Variants in MYH9 observed in about 807,000 individuals in gnomAD.
MYH9 encodes myosin-9.
A neutral mutation model predicts 241.9 loss-of-function variants in MYH9; 29 were observed. That is an observed-to-expected ratio of 0.12 (90% confidence interval 0.09 to 0.16). The LOEUF (loss-of-function observed/expected upper bound fraction) is 0.16. MYH9 is among the 10% of genes least tolerant of loss of function. MYH9 has a pLI of 1.00. For synonymous variants in MYH9, 1,047 were observed against 1,062.6 expected, an observed-to-expected ratio of 0.99 and a Z score of 0.29; for missense variants, 1,803 against 2,595.5, an observed-to-expected ratio of 0.69 and a Z score of 6.63.
intron 1 of MYH9, among the ~76,000 whole-genome samples, chr22:36,381,861 T>C (rs1283373569): frequency 6.6e-6 from 1 of 152,238 alleles, no homozygotes; most frequent in Non-Finnish European, 1.5e-5. Context: ...TCTATGTCAA[T>C]GCCGCAATGA....
At position 36,281,894 on chromosome 22, in the gene MYH9, G is replaced by C. The variant is rs1205262902; in HGVS notation, c.*774C>G. ...TATATTTGGTCCCCAAGAGTGTTGG[G>C]AGAAGCCACTGGAAGGCTGCTGGCC... On this transcript the variant is annotated 3_prime_UTR_variant, in exon 41 of 41. Coordinates refer to ENST00000216181, the MANE Select transcript of MYH9 (RefSeq NM_002473.6). 4.3e-6 allele frequency: 1 copy of C among 231,472 alleles called. No homozygotes were observed. The highest frequency in any genetic ancestry group is 8.6e-6 in the Non-Finnish European group (1 of 116,812). 14.3% of individuals were successfully genotyped at this position (231,472 alleles called of 1,614,324 possible). A position where few individuals can be genotyped will look rare whatever the true frequency, so the allele number is the denominator to read the frequency against.
At position 36,323,215 on chromosome 22, in the gene MYH9, CG is replaced by C. The variant is rs370777914; in HGVS notation, c.613-695del. On this transcript the variant is annotated intron_variant, in intron 5 of 40. Coordinates refer to ENST00000216181, the MANE Select transcript of MYH9 (RefSeq NM_002473.6). ...TATCCCTGGATCCCCACCATACTCA[CG>C]GGGCAGGACAGAGCAGCCCCATTTC... Among the ~76,000 whole-genome samples, 8 of 152,326 alleles carry C rather than the reference CG, an allele frequency of 5.3e-5. No individual in the cohort carries two copies. In the East Asian group the frequency reaches 1.5e-3, roughly 29 times the overall value.
chr22:36,287,606 G>A (rs1291744339), intron 34 of MYH9, among the ~76,000 whole-genome samples: 1 of 152,202 alleles, frequency 6.6e-6, no homozygotes, highest in Non-Finnish European at 1.5e-5. Context: ...GCCGGGCGTG[G>A]CGGCGTGCGC....
At chr22:36,297,908 C>T (rs909475740) in intron 24 of MYH9, among the ~76,000 whole-genome samples, 1 of 152,196 alleles carries the variant, frequency 6.6e-6, no homozygotes, top group Non-Finnish European at 1.5e-5. Flanking sequence ...CCAGCAGCAG[C>T]ATATGTGTGC....
In MYH9 at chr22:36,309,082, C is replaced by T. The variant is rs2239783; in HGVS notation, c.1843+200G>A. Among the ~76,000 whole-genome samples the T allele has an allele frequency of 0.24, 36,172 of 152,094 alleles. 5,318 individuals are homozygous for T. Among genetic ancestry groups the T allele is most frequent in the East Asian group, 0.68 (3,503 of 5,158 alleles). ...CGCTCCGCCCAGGAGGACCCGGCCA[C>T]GGTGTGTGCGCAAGGGCAGTGGCCT... On this transcript the variant is annotated intron_variant, in intron 15 of 40. Coordinates refer to ENST00000216181, the MANE Select transcript of MYH9 (RefSeq NM_002473.6).
chr22:36,368,543 G>C (rs2018044736), intron 1 of MYH9, among the ~76,000 whole-genome samples: 2 of 152,188 alleles, frequency 1.3e-5, no homozygotes, highest in South Asian at 4.1e-4. Flanking sequence ...GAGAAGCGCA[G>C]AGGTGGACCC....
Position 36,314,455 on chromosome 22 carries a change from C to T in MYH9, c.1381-137G>A, listed in dbSNP as rs992975341. The T allele has an allele frequency of 2.1e-4, 233 of 1,084,934 alleles. 1 individual carries two copies. The highest frequency in any genetic ancestry group is 6.7e-5 in the Non-Finnish European group (49 of 733,784). The allele number at this position is 1,084,934 out of a possible 1,614,324, so 67.2% of individuals were successfully genotyped here. On this transcript the variant is annotated intron_variant, in intron 12 of 40. Transcript: ENST00000216181. The stretch of plus-strand genomic sequence containing the variant: ...CCTCCATGCCGCTGCCTTTAGAGCC[C>T]GGATGCTCCTGGCCTTCCCTTTATC...
chr22:36,321,198 G>C (rs568137314), intron 7 of MYH9, among the ~76,000 whole-genome samples: 1 of 152,192 alleles, frequency 6.6e-6, no homozygotes, highest in Admixed American at 6.5e-5. Flanking sequence ...ACCCACCTTA[G>C]CTTCCCAAAG....
In MYH9 at chr22:36,282,788, G is replaced by A. The variant is rs1381367960; in HGVS notation, c.5766-3C>T. On this transcript the variant is annotated splice_region_variant and splice_polypyrimidine_tract_variant and intron_variant, in intron 40 of 40. Transcript: ENST00000216181. ...CGACAAACGGCAGGTCCCCGCGCCT[G>A]GGGGCAGAGGTAGAAGCAGAGGGTC... 1 of 1,592,530 alleles carries A rather than the reference G, an allele frequency of 6.3e-7. No homozygotes were observed.
intron 4 of MYH9, among the ~76,000 whole-genome samples, chr22:36,327,159 C>T (rs778315007): frequency 9.2e-5 from 14 of 152,202 alleles, no homozygotes; most frequent in African/African-American, 1.2e-4. Context: ...CCAGAAGTTA[C>T]GGAGGAGCTG....
Position 36,300,275 on chromosome 22 carries a change from C to T in MYH9, c.2839-11G>A. ...CTGCTCCTCAAGCTCCTGCCGGGGG[C>T]CAGAGACACGGTAAGGACAGCAGGC... On this transcript the variant is annotated splice_polypyrimidine_tract_variant and intron_variant, in intron 22 of 40. Coordinates refer to ENST00000216181, the MANE Select transcript of MYH9 (RefSeq NM_002473.6). This position sits in a 1 kb window ranked among gnomAD's most constrained non-coding sequence, Gnocchi z 5.0. The T allele has an allele frequency of 6.2e-7, 1 of 1,612,084 alleles. No individual in the cohort carries two copies. The highest frequency in any genetic ancestry group is 8.5e-7 in the Non-Finnish European group (1 of 1,180,000).
chr22:36,328,210 C>T (rs904600953), intron 3 of MYH9, among the ~76,000 whole-genome samples: 2 of 152,176 alleles, frequency 1.3e-5, no homozygotes, highest in African/African-American at 4.8e-5. Flanking sequence ...GTTCTCTAGC[C>T]GGGTGTCAGG....
chr22:36,365,991 C>G (rs973359785), intron 1 of MYH9, among the ~76,000 whole-genome samples: 4 of 152,026 alleles, frequency 2.6e-5, no homozygotes, highest in Non-Finnish European at 5.9e-5. Context: ...GAGTTCAAGA[C>G]AGCCTGGCCA....
chr22:36,308,863 C>A lies in MYH9; in HGVS notation c.1843+419G>T, dbSNP rs2017014185. 3.0e-6 allele frequency: 3 copies of A among 985,226 alleles called. No individual in the cohort carries two copies. In the African/African-American group the frequency reaches 5.2e-5, roughly 17 times the overall value. 61.0% of individuals were successfully genotyped at this position (985,226 alleles called of 1,614,324 possible). A position where few individuals can be genotyped will look rare whatever the true frequency, so the allele number is the denominator to read the frequency against. On this transcript the variant is annotated intron_variant, in intron 15 of 40. Transcript: ENST00000216181. ...GATAGAAATAGGCTCTCTGAGTGCT[C>A]TGCATCTCTGCAACAGAGAGGTTAA...
rs530295754 is a variant in MYH9, at chr22:36,328,688, G to A, written c.491-1200C>T. 3.3e-5 allele frequency among the ~76,000 whole-genome samples: 5 copies of A among 152,346 alleles called. No individual in the cohort carries two copies. In the East Asian group the frequency reaches 5.8e-4, roughly 18 times the overall value. On this transcript the variant is annotated intron_variant, in intron 3 of 40. Transcript: ENST00000216181. ...ATACCGACTTCCCCAACGCGACGTC[G>A]CCACGATGGGTGGCAGTGGCGTTGT...
chr22:36,314,466 G>T, intron 12 of MYH9, 148 bp from the exon 13 acceptor site: 1 of 1,010,842 alleles, frequency 9.9e-7, no homozygotes, highest in Non-Finnish European at 1.5e-6. Flanking sequence ...GGATGCTCCT[G>T]GCCTTCCCTT....
At position 36,294,283 on chromosome 22, in the gene MYH9, C is replaced by T. The variant is rs2016755216; in HGVS notation, c.3646G>A (p.Glu1216Lys). ...TTCTCCAGAGTCTGCTTTGCCTTCT[C>T]GAGGTTTGCTTTCACCTAGCAGGGA... ...EQTKRVKANL[E>K]KAKQTLENER... The change falls in exon 28 of 41, where the codon GAG (glutamate) becomes AAG (lysine). Residue 1216 changes from glutamate to lysine, a missense_variant. Physicochemically the swap from Glu to Lys is moderately conservative, Grantham distance 56 (BLOSUM62 1). Coordinates refer to ENST00000216181, the MANE Select transcript of MYH9 (RefSeq NM_002473.6). 7.4e-6 allele frequency: 12 copies of T among 1,613,920 alleles called. No individual in the cohort carries two copies. Among genetic ancestry groups the T allele is most frequent in the East Asian group, 2.2e-5 (1 of 44,888 alleles).
chr22:36,317,126 G>GCAGTCTACGGCCA (rs1569535823), intron 11 of MYH9, among the ~76,000 whole-genome samples: 8 of 152,038 alleles, frequency 5.3e-5, no homozygotes, highest in South Asian at 2.1e-4. Context: ...AAATAAGGCA[G>GCAGTCTACGGCCA]TGGGCAGAGG....
At chr22:36,339,934 T>C (rs1603483834) in intron 3 of MYH9, among the ~76,000 whole-genome samples, 3 of 152,246 alleles carry the variant, frequency 2.0e-5, no homozygotes, top group Admixed American at 2.0e-4. Flanking sequence ...AGGGCTCTGA[T>C]GCAAATCTAG....
Sources: allele counts gnomAD v4.1 joint callset (sites outside exome capture counted in the v4.1 genomes callset), GRCh38; gene constraint gnomAD v4.1.1; non-coding constraint Gnocchi (gnomAD v3.1); transcripts MANE v1.5; gene names NCBI Gene and HGNC (gene_info 2026-07-23, HGNC 2026-07-21).